Variants in GUCY2C observed in about 807,000 individuals in gnomAD.
GUCY2C encodes the protein guanylyl cyclase C.
In GUCY2C, 118 loss-of-function variants were observed where a neutral mutation model predicts 131.1. The ratio of observed to expected loss-of-function variants is 0.90; its 90% CI spans 0.78 to 1.05. The LOEUF is 1.05. GUCY2C is among the 50% of genes least tolerant of loss of function. The pLI is 0.00. For missense variants in GUCY2C, 1,161 were observed against 1,304.4 expected (o/e 0.89, Z 1.69); for synonymous variants, 452 against 457.8 (o/e 0.99, Z 0.16).
At chr12:14,624,681 G>A (rs963874546) in intron 21 of GUCY2C, among the ~76,000 whole-genome samples, 1 of 152,178 alleles carries the variant, frequency 6.6e-6, no homozygotes, top group Non-Finnish European at 1.5e-5. Flanking sequence ...AATAACCAAA[G>A]TGAGTTGTGC....
At chr12:14,644,605 G>A (rs187696091) in intron 16 of GUCY2C, among the ~76,000 whole-genome samples, 1 of 152,104 alleles carries the variant, frequency 6.6e-6, no homozygotes, top group East Asian at 1.9e-4. Flanking sequence ...ATTCTTGAAT[G>A]AGGCCCTGGT....
At chr12:14,694,957 CAG>C (rs578130238) in intron 1 of GUCY2C, among the ~76,000 whole-genome samples, 310 of 152,176 alleles carry the variant, frequency 2.0e-3, no homozygotes, top group African/African-American at 7.0e-3. Flanking sequence ...TATCCTACAT[CAG>C]AGAATTATTT....
chr12:14,622,649 TTTCCTGGCATATGTAA>T (rs1316761873), intron 21 of GUCY2C, among the ~76,000 whole-genome samples: 3 of 152,240 alleles, frequency 2.0e-5, no homozygotes, highest in Non-Finnish European at 4.4e-5. Flanking sequence ...ATAGTTTTAC[TTTCCTGGCATATGTAA>T]TATGGCATTG....
chr12:14,693,782 A>G (rs985366192), intron 1 of GUCY2C, among the ~76,000 whole-genome samples: 3 of 152,254 alleles, frequency 2.0e-5, no homozygotes, highest in Non-Finnish European at 4.4e-5. Context: ...TATTTTACAA[A>G]TGACTTGAGT....
At chr12:14,658,491 C>T (rs922148604) in intron 11 of GUCY2C, among the ~76,000 whole-genome samples, 6 of 152,096 alleles carry the variant, frequency 3.9e-5, no homozygotes, top group Non-Finnish European at 5.9e-5. Context: ...GGCTGGCCAA[C>T]GTGGCGAAAC....
At chr12:14,626,253 G>A (rs1263412426) in intron 20 of GUCY2C, among the ~76,000 whole-genome samples, 1 of 152,092 alleles carries the variant, frequency 6.6e-6, no homozygotes, top group Admixed American at 6.5e-5. Context: ...ACTGGGAGGT[G>A]GAGGTTGCAG....
intron 7 of GUCY2C, 67 bp downstream of exon 7, chr12:14,676,787 T>C: frequency 2.2e-6 from 1 of 461,236 alleles, no homozygotes; most frequent in Non-Finnish European, 3.4e-6. Context: ...TGGAGAAAAA[T>C]TATCTTACCC....
chr12:14,653,515 A>C (rs1283848607), intron 12 of GUCY2C, among the ~76,000 whole-genome samples: 1 of 152,244 alleles, frequency 6.6e-6, no homozygotes, highest in East Asian at 1.9e-4. Flanking sequence ...GCTGGTAATA[A>C]GAATTCTTAT....
At chr12:14,657,787 C>T (rs1947791680) in intron 11 of GUCY2C, among the ~76,000 whole-genome samples, 1 of 152,100 alleles carries the variant, frequency 6.6e-6, no homozygotes, top group Admixed American at 6.5e-5. Context: ...TCCATGAAAC[C>T]AGTCCCTGGT....
intron 1 of GUCY2C, 116 bp from the exon 2 acceptor site, chr12:14,688,179 T>G: frequency 1.5e-6 from 1 of 676,916 alleles, no homozygotes; most frequent in Non-Finnish European, 2.7e-6. Context: ...CTAGGAATAT[T>G]TACATCCTGA....
At chr12:14,659,025 C>T (rs1166145753) in intron 11 of GUCY2C, among the ~76,000 whole-genome samples, 1 of 151,770 alleles carries the variant, frequency 6.6e-6, no homozygotes, top group Non-Finnish European at 1.5e-5. Context: ...ATGTGGAAAG[C>T]CTACCTTACC....
At chr12:14,684,695 T>G (rs11056097) in intron 3 of GUCY2C, among the ~76,000 whole-genome samples, 145,524 of 147,168 alleles carry the variant, frequency 0.99, 71,965 homozygotes, top group Middle Eastern at 1. Flanking sequence ...TTTTTAATAG[T>G]ATCTCACTCT....
intron 12 of GUCY2C, 112 bp from the exon 13 acceptor site, chr12:14,653,126 A>T: frequency 1.2e-6 from 1 of 816,526 alleles, no homozygotes. Flanking sequence ...CCTCAATAAC[A>T]TGCTGGGCAA....
rs116350615 is a variant in GUCY2C at position 14,682,866 on chromosome 12, A to C, written c.611+176T>G. 0.014 allele frequency among the ~76,000 whole-genome samples: 2,089 copies of C among 152,312 alleles called. 51 individuals are homozygous for C. The highest frequency in any genetic ancestry group is 0.046 in the African/African-American group (1,925 of 41,568). On this transcript the variant is annotated intron_variant, in intron 4 of 26. Coordinates refer to ENST00000261170, the MANE Select transcript of GUCY2C (RefSeq NM_004963.4). ...TGCAAACTATACTGATTATTTTTAC[A>C]ACTCTATATTTACTTGGTCCCCTTT...
At chr12:14,679,036 C>A (rs1228766909) in intron 6 of GUCY2C, among the ~76,000 whole-genome samples, 3 of 152,130 alleles carry the variant, frequency 2.0e-5, no homozygotes, top group Non-Finnish European at 4.4e-5. Context: ...CAGACTCATA[C>A]AAGTGAAACT....
chr12:14,659,984 C>T (rs1377614604), intron 11 of GUCY2C, among the ~76,000 whole-genome samples: 1 of 152,222 alleles, frequency 6.6e-6, no homozygotes, highest in African/African-American at 2.4e-5. Flanking sequence ...TTGGTTTCTT[C>T]TCACTCTTCA....
intron 16 of GUCY2C, among the ~76,000 whole-genome samples, chr12:14,644,866 G>C (rs145097713): frequency 2.0e-5 from 3 of 150,176 alleles, no homozygotes; most frequent in African/African-American, 7.4e-5. Context: ...CTCAGCCTCC[G>C]AAAGTGCTGG....
chr12:14,617,546 G>A (rs1470215228), intron 24 of GUCY2C, among the ~76,000 whole-genome samples: 1 of 152,200 alleles, frequency 6.6e-6, no homozygotes, highest in Non-Finnish European at 1.5e-5. Flanking sequence ...AGATTCGGGA[G>A]AGTTGAGGGG....
At chr12:14,678,782 C>T (rs1948289519) in intron 6 of GUCY2C, among the ~76,000 whole-genome samples, 1 of 152,110 alleles carries the variant, frequency 6.6e-6, no homozygotes, top group Non-Finnish European at 1.5e-5. Flanking sequence ...CTTCTGGGGG[C>T]AAGGGGCATG....
Sources: allele counts gnomAD v4.1 joint callset (sites outside exome capture counted in the v4.1 genomes callset), GRCh38; gene constraint gnomAD v4.1.1; transcripts MANE v1.5; gene names NCBI Gene and HGNC (gene_info 2026-07-23, HGNC 2026-07-21).